The following NRXN3 variants were observed in gnomAD, a reference collection of about 807,000 sequenced individuals.
The protein encoded by NRXN3 is neurexin 3.
Under a neutral mutation model 137.6 loss-of-function variants are expected in NRXN3, and 32 were observed. The ratio of observed to expected loss-of-function variants is 0.23; its 90% CI spans 0.18 to 0.31. NRXN3 has a LOEUF of 0.31. Ranked by LOEUF, NRXN3 falls within the 10% of genes least tolerant of loss-of-function variation. The probability of loss-of-function intolerance (pLI) is 1.00; values close to 1 mark genes in which losing one functional copy is unlikely to be tolerated. For missense variants in NRXN3, 1,574 were observed against 2,062.5 expected (o/e 0.76, Z 4.59); for synonymous variants, 798 against 784.5 (o/e 1.02, Z -0.29).
intron 15 of NRXN3, chr14:79,280,469 C>A: frequency 1.9e-6 from 3 of 1,614,056 alleles, no homozygotes; most frequent in Non-Finnish European, 2.5e-6. Context: ...GCACCATTTC[C>A]ATGGCAGCAA....
At chr14:78,390,509 C>T (rs144545150) in intron 4 of NRXN3, among the ~76,000 whole-genome samples, 82 of 152,248 alleles carry the variant, frequency 5.4e-4, no homozygotes, top group African/African-American at 1.9e-3. Context: ...TTTAGCTGTT[C>T]GCTCCAACTT....
chr14:78,877,397 C>T (rs1289891589), intron 10 of NRXN3, among the ~76,000 whole-genome samples: 1 of 152,168 alleles, frequency 6.6e-6, no homozygotes, highest in Non-Finnish European at 1.5e-5. Context: ...CTTTCCCTGA[C>T]TTCTCTACCT....
chr14:79,843,307 T>TA (rs35791733), intron 20 of NRXN3, among the ~76,000 whole-genome samples: 6 of 152,172 alleles, frequency 3.9e-5, no homozygotes, highest in Admixed American at 2.0e-4. Flanking sequence ...CTATATCTTT[T>TA]AAAAAAATAC....
At chr14:78,265,026 T>C (rs2071457146) in intron 2 of NRXN3, among the ~76,000 whole-genome samples, 1 of 152,256 alleles carries the variant, frequency 6.6e-6, no homozygotes, top group African/African-American at 2.4e-5. Context: ...CTGTTGTTTC[T>C]CTACAAAAGC....
At chr14:79,117,160 AG>A (rs1325758530) in intron 15 of NRXN3, among the ~76,000 whole-genome samples, 5 of 152,252 alleles carry the variant, frequency 3.3e-5, no homozygotes, top group African/African-American at 1.2e-4. Flanking sequence ...AATATTTGTC[AG>A]AAAGCAGTCA....
intron 19 of NRXN3, among the ~76,000 whole-genome samples, chr14:79,720,614 C>G (rs1472888405): frequency 6.6e-6 from 1 of 152,096 alleles, no homozygotes; most frequent in Non-Finnish European, 1.5e-5. Context: ...TATAATGACT[C>G]TTCAACTAGG....
chr14:79,096,717 C>A (rs1303280902), intron 15 of NRXN3, among the ~76,000 whole-genome samples: 1 of 152,130 alleles, frequency 6.6e-6, no homozygotes, highest in Non-Finnish European at 1.5e-5. Flanking sequence ...CTCCTGGCAC[C>A]ATGTTTCTAT....
At chr14:79,339,026 T>C (rs2092445956) in intron 15 of NRXN3, among the ~76,000 whole-genome samples, 1 of 152,128 alleles carries the variant, frequency 6.6e-6, no homozygotes, top group African/African-American at 2.4e-5. Flanking sequence ...CTACCCCTTT[T>C]GAAGGGGAGA....
intron 4 of NRXN3, among the ~76,000 whole-genome samples, chr14:78,376,992 A>G (rs963106011): frequency 4.6e-5 from 7 of 152,212 alleles, no homozygotes; most frequent in African/African-American, 1.7e-4. Context: ...TATTCAAGTA[A>G]TCAATAGGAC....
chr14:78,680,197 T>C (rs1283944242), intron 6 of NRXN3, among the ~76,000 whole-genome samples: 4 of 151,848 alleles, frequency 2.6e-5, no homozygotes, highest in African/African-American at 9.7e-5. Flanking sequence ...CATGGACACA[T>C]AGAAGGAAAC....
intron 15 of NRXN3, among the ~76,000 whole-genome samples, chr14:79,409,982 T>C (rs1194422002): frequency 6.6e-6 from 1 of 151,948 alleles, no homozygotes; most frequent in East Asian, 1.9e-4. Flanking sequence ...ATAAATTATA[T>C]ATTTATCATA....
intron 16 of NRXN3, among the ~76,000 whole-genome samples, chr14:79,509,797 C>CTTTTATTATTT (rs1240914603): frequency 2.6e-5 from 4 of 151,998 alleles, no homozygotes; most frequent in African/African-American, 9.6e-5. Context: ...AACATAATAA[C>CTTTTATTATTT]TTTTATTATT....
intron 8 of NRXN3, among the ~76,000 whole-genome samples, chr14:78,718,936 G>C (rs1464708442): frequency 6.6e-6 from 1 of 152,184 alleles, no homozygotes; most frequent in Non-Finnish European, 1.5e-5. Flanking sequence ...GTTGGACAGA[G>C]GAAACAGTCT....
intron 15 of NRXN3, among the ~76,000 whole-genome samples, chr14:79,453,630 A>G (rs1258918553): frequency 2.0e-5 from 3 of 152,192 alleles, no homozygotes; most frequent in South Asian, 2.1e-4. Flanking sequence ...ACTTAAAATC[A>G]TGGTTGTTTA....
rs540381907 is a variant in NRXN3, at chr14:78,179,848, T to G, written c.-704+9174T>G. Among the ~76,000 whole-genome samples, 241 of 149,530 alleles carry G rather than the reference T, an allele frequency of 1.6e-3. 3 individuals carry two copies. The highest frequency in any genetic ancestry group is 3.4e-3 in the Middle Eastern group (1 of 290). ...TGTTTGTTTCTGTTTTTTTGTTTTT[T>G]TTTTTTTCTTGTTTTAGACAGAATC... is the stretch of plus-strand genomic sequence containing the variant. On this transcript the variant is annotated intron_variant, in intron 1 of 20. Transcript: ENST00000335750.
At chr14:78,820,488 C>G (rs1221411464) in intron 10 of NRXN3, among the ~76,000 whole-genome samples, 5 of 146,266 alleles carry the variant, frequency 3.4e-5, no homozygotes, top group African/African-American at 1.3e-4. Flanking sequence ...ACTAGAATCA[C>G]ATAGCTTTTT....
At chr14:79,477,163 G>C (rs1211277376) in intron 16 of NRXN3, among the ~76,000 whole-genome samples, 2 of 151,864 alleles carry the variant, frequency 1.3e-5, no homozygotes, top group African/African-American at 2.4e-5. Context: ...ATTTTGACTA[G>C]TGGAATCTGA....
chr14:78,887,907 T>C (rs1284269617), intron 10 of NRXN3, among the ~76,000 whole-genome samples: 1 of 152,062 alleles, frequency 6.6e-6, no homozygotes, highest in Non-Finnish European at 1.5e-5. Flanking sequence ...AGTCTCTGTG[T>C]ATCCAGAATG....
intron 15 of NRXN3, among the ~76,000 whole-genome samples, chr14:79,213,144 C>G (rs1026620581): frequency 6.6e-6 from 1 of 152,056 alleles, no homozygotes; most frequent in Non-Finnish European, 1.5e-5. Context: ...TTCTTCCCCA[C>G]CTCCATTTTT....
Sources: allele counts gnomAD v4.1 joint callset (sites outside exome capture counted in the v4.1 genomes callset), GRCh38; gene constraint gnomAD v4.1.1; transcripts MANE v1.5; gene names NCBI Gene and HGNC (gene_info 2026-07-23, HGNC 2026-07-21).